The following TMEM132E variants were observed in gnomAD, a reference collection of about 807,000 sequenced individuals.
TMEM132E encodes transmembrane protein 132E.
Under a neutral mutation model 78.5 loss-of-function variants are expected in TMEM132E, and 49 were observed. That is an observed-to-expected ratio of 0.62 (90% CI 0.50 to 0.79). The LOEUF (loss-of-function observed/expected upper bound fraction) is 0.79. TMEM132E is among the 30% of genes least tolerant of loss of function. The pLI is 0.00. For missense variants in TMEM132E, 1,403 were observed against 1,470.9 expected, an observed-to-expected ratio of 0.95 and a Z score of 0.75; for synonymous variants, 715 against 670.6, an observed-to-expected ratio of 1.07 and a Z score of -1.02.
chr17:34,607,979 G>T (rs1906470142), intron 1 of TMEM132E, among the ~76,000 whole-genome samples: 1 of 152,152 alleles, frequency 6.6e-6, no homozygotes, highest in Admixed American at 6.5e-5. Context: ...CATTATGTAG[G>T]TGTGATTGAT....
rs1231260644 is a variant in TMEM132E at position 34,637,994 on chromosome 17, G to A, written c.2987G>A (p.Arg996Gln). 4.4e-6 allele frequency: 7 copies of A among 1,586,020 alleles called. No individual in the cohort carries two copies. The highest frequency in any genetic ancestry group is 5.1e-6 in the Non-Finnish European group (6 of 1,167,226). Residue 996 changes from arginine to glutamine, a missense_variant, in exon 9 of 9, where the codon CGA (arginine) becomes CAA (glutamine). Physicochemically the swap from Arg to Gln is conservative, Grantham distance 43 (BLOSUM62 1). Around this residue, in one of 3 missense-constraint regions of TMEM132E, gnomAD observed 888 missense variants for 952.8 expected, o/e 0.93. Coordinates refer to ENST00000631683, the MANE Select transcript of TMEM132E (RefSeq NM_001304438.2). ...RGDGSSGGSA[R>Q]DQAEDPASSP... ...GACGGCTCCTCGGGCGGCTCAGCCC[G>A]AGACCAAGCCGAGGACCCCGCCAGC...
chr17:34,590,511 G>A (rs1905834526), intron 1 of TMEM132E, among the ~76,000 whole-genome samples: 1 of 152,206 alleles, frequency 6.6e-6, no homozygotes, highest in South Asian at 2.1e-4. Context: ...TGGAAGAAGT[G>A]CCACTTTAGG....
rs1280121859 is a variant in TMEM132E, at chr17:34,634,683, CT to C, written c.1689-112del. On this transcript the variant is annotated intron_variant, in intron 6 of 8. Coordinates refer to ENST00000631683, the MANE Select transcript of TMEM132E (RefSeq NM_001304438.2). ...AGGCATGAGCCATAGAGGAAGCTTG[CT>C]TTTGCAGAGCTTCTGGGAAGCTGGG... 8 of 1,318,844 alleles carry C rather than the reference CT, an allele frequency of 6.1e-6. No homozygotes were observed. In the African/African-American group the frequency reaches 1.0e-4, roughly 17 times the overall value. The allele number at this position is 1,318,844 out of a possible 1,614,324, so 81.7% of individuals were successfully genotyped here.
intron 1 of TMEM132E, among the ~76,000 whole-genome samples, chr17:34,591,331 G>T (rs895515606): frequency 2.2e-4 from 32 of 144,442 alleles, no homozygotes; most frequent in Non-Finnish European, 9.0e-5. Flanking sequence ...GAAAGACAAA[G>T]TCTTGCTCTG....
chr17:34,635,019 C>G lies in TMEM132E; in HGVS notation c.1909C>G (p.Pro637Ala). 6.2e-7 allele frequency: 1 copy of G among 1,614,078 alleles called. No individual in the cohort carries two copies. The highest frequency in any genetic ancestry group is 8.5e-7 in the Non-Finnish European group (1 of 1,180,022). The change falls in exon 7 of 9, where the codon CCC becomes GCC. Residue 637 changes from proline (P) to alanine (A), a missense_variant. This residue lies in a region of TMEM132E where 888 missense variants were observed against 952.8 expected (regional missense o/e 0.93). Transcript: ENST00000631683. ...CAGTGACTTCATGCGGGTGGGCGAT[C>G]CCCGAGTGGCACACATGGTGGACAG... is the stretch of plus-strand genomic sequence containing the variant. The part of the protein sequence containing the change: ...LVSDFMRVGD[P>A]RVAHMVDSST...
At chr17:34,598,206 C>A (rs1906118576) in intron 1 of TMEM132E, among the ~76,000 whole-genome samples, 1 of 152,094 alleles carries the variant, frequency 6.6e-6, no homozygotes, top group South Asian at 2.1e-4. Context: ...CCTTGAGACA[C>A]CCCCAGAGAG....
chr17:34,637,673 T>C lies in TMEM132E; in HGVS notation c.2666T>C (p.Ile889Thr), dbSNP rs778714021. 9.3e-6 allele frequency: 15 copies of C among 1,610,176 alleles called. No homozygotes were observed. In the South Asian group the frequency reaches 1.1e-4, roughly 12 times the overall value. Residue 889 changes from isoleucine to threonine, a missense_variant, in exon 9 of 9, where the codon ATC becomes ACC. Ile to Thr is a moderately conservative substitution (Grantham distance 89). Around this residue, in one of 3 missense-constraint regions of TMEM132E, gnomAD observed 888 missense variants for 952.8 expected, o/e 0.93. Coordinates refer to ENST00000631683, the MANE Select transcript of TMEM132E (RefSeq NM_001304438.2). ...QVPRGLTDLE[I>T]GMYALLGVFC... ...CCACGGGGTCTGACAGACCTGGAGA[T>C]CGGCATGTACGCGCTGCTGGGCGTC...
chr17:34,636,432 T>C (rs1185276636), intron 8 of TMEM132E, among the ~76,000 whole-genome samples: 1 of 152,146 alleles, frequency 6.6e-6, no homozygotes, highest in Non-Finnish European at 1.5e-5. Flanking sequence ...TCTGAGGGTC[T>C]CCCTCCTGGA....
intron 1 of TMEM132E, among the ~76,000 whole-genome samples, chr17:34,591,317 T>C (rs1905863112): frequency 6.6e-6 from 1 of 151,546 alleles, no homozygotes; most frequent in Non-Finnish European, 1.5e-5. Context: ...ATTTTTTTTT[T>C]TTTGAAAGAC....
intron 1 of TMEM132E, among the ~76,000 whole-genome samples, chr17:34,585,298 GC>G (rs1373731688): frequency 1.3e-5 from 2 of 152,200 alleles, no homozygotes; most frequent in Admixed American, 6.5e-5. Flanking sequence ...TGTCTCCTAG[GC>G]CCTTGCCGGG....
chr17:34,611,859 C>T (rs1354627485), intron 1 of TMEM132E, among the ~76,000 whole-genome samples: 2 of 152,298 alleles, frequency 1.3e-5, no homozygotes, highest in African/African-American at 4.8e-5. Flanking sequence ...TCCCCAGTCA[C>T]CTCTGCACAC....
At chr17:34,596,403 C>G (rs1419508209) in intron 1 of TMEM132E, among the ~76,000 whole-genome samples, 1 of 152,186 alleles carries the variant, frequency 6.6e-6, no homozygotes, top group African/African-American at 2.4e-5. Flanking sequence ...GAGCAGGACT[C>G]TAGCTCAGGA....
intron 2 of TMEM132E, among the ~76,000 whole-genome samples, chr17:34,627,847 T>C (rs1907210009): frequency 2.0e-5 from 3 of 152,210 alleles, no homozygotes; most frequent in Admixed American, 2.0e-4. Context: ...TCATGCCTCA[T>C]TCAGTGATTG....
rs760686474 is a variant in TMEM132E at position 34,637,974 on chromosome 17, C to T, written c.2967C>T (p.Gly989=). 42 of 1,595,308 alleles carry T rather than the reference C, an allele frequency of 2.6e-5. No homozygotes were observed. In the East Asian group the frequency reaches 8.7e-4, roughly 33 times the overall value. ...GCCAGGTGCACGGCAGGGGCGACGG[C>T]TCCTCGGGCGGCTCAGCCCGAGACC... ...VQSQVHGRGD[G]SSGGSARDQA... is the part of the protein sequence containing the mutation. The change falls in exon 9 of 9, where the codon GGC becomes GGT. Residue 989 remains glycine (G), a synonymous_variant. Transcript: ENST00000631683.
chr17:34,596,918 C>T (rs1050596188), intron 1 of TMEM132E, among the ~76,000 whole-genome samples: 8 of 151,884 alleles, frequency 5.3e-5, no homozygotes, highest in South Asian at 2.1e-4. Context: ...CCTGCCTGAC[C>T]GGAATCTCGA....
chr17:34,613,174 T>TCTAC (rs1491423933), intron 1 of TMEM132E, among the ~76,000 whole-genome samples: 58 of 109,278 alleles, frequency 5.3e-4, no homozygotes, highest in African/African-American at 1.5e-3. Context: ...TCTCTCTCTC[T>TCTAC]ACACACACAC....
chr17:34,587,531 T>G (rs966443579), intron 1 of TMEM132E, among the ~76,000 whole-genome samples: 1 of 152,094 alleles, frequency 6.6e-6, no homozygotes, highest in Non-Finnish European at 1.5e-5. Context: ...TGATGACCAC[T>G]TTGCCCAGAG....
In TMEM132E at chr17:34,625,849, G is replaced by A. The variant is rs576764224; in HGVS notation, c.68-278G>A. On this transcript the variant is annotated intron_variant, in intron 1 of 8. Transcript: ENST00000631683. ...CTGAAGGTTCACAAGGTTTTGCGAC[G>A]GTATTATCTTTACCCCTATGTCGCA... Among the ~76,000 whole-genome samples, 48 of 152,310 alleles carry A rather than the reference G, an allele frequency of 3.2e-4. 1 individual carries two copies. Among genetic ancestry groups the A allele is most frequent in the African/African-American group, 1.1e-3 (46 of 41,578 alleles).
intron 1 of TMEM132E, among the ~76,000 whole-genome samples, chr17:34,619,869 G>A (rs1214488887): frequency 6.6e-6 from 1 of 152,230 alleles, no homozygotes; most frequent in East Asian, 1.9e-4. Context: ...ATCTGGTGTG[G>A]ATGCATGTGC....
Sources: allele counts gnomAD v4.1 joint callset (sites outside exome capture counted in the v4.1 genomes callset), GRCh38; gene constraint gnomAD v4.1.1; regional missense constraint gnomAD v4.1.1; transcripts MANE v1.5; gene names NCBI Gene and HGNC (gene_info 2026-07-23, HGNC 2026-07-21).